Variants in IGF2BP3 observed in about 807,000 individuals in gnomAD.
IGF2BP3 encodes the protein insulin like growth factor 2 mRNA binding protein 3.
Under a neutral mutation model 73.8 loss-of-function variants are expected in IGF2BP3, and 9 were observed. The observed-to-expected ratio is 0.12, with a 90% CI of 0.07 to 0.21. The LOEUF (loss-of-function observed/expected upper bound fraction) is 0.21, where lower values mean the gene tolerates loss of function less well. IGF2BP3 is among the 10% of genes least tolerant of loss of function. The probability of loss-of-function intolerance (pLI) is 1.00; values close to 1 mark genes in which losing one functional copy is unlikely to be tolerated. For synonymous variants in IGF2BP3, 258 were observed against 256.7 expected, an observed-to-expected ratio of 1.01 and a Z score of -0.05; for missense variants, 542 against 714.0, an observed-to-expected ratio of 0.76 and a Z score of 2.75.
intron 2 of IGF2BP3, among the ~76,000 whole-genome samples, chr7:23,433,986 G>A (rs938886734): frequency 6.6e-6 from 1 of 151,050 alleles, no homozygotes; most frequent in Non-Finnish European, 1.5e-5. Flanking sequence ...GCTGGGGCAA[G>A]AGAATCGCTT....
At position 23,317,549 on chromosome 7, in the gene IGF2BP3, A is replaced by G. The variant is rs1784024383; in HGVS notation, c.1395+90T>C. Reference sequence around the variant, plus strand: ...TAAGAATTTCCATTGACTCTTTCTGAGATTTAGACATATTTAAGGGAGACG... The same window carrying G: ...TAAGAATTTCCATTGACTCTTTCTGGGATTTAGACATATTTAAGGGAGACG... On this transcript the variant is annotated intron_variant, in intron 12 of 14. Coordinates refer to ENST00000258729, the MANE Select transcript of IGF2BP3 (RefSeq NM_006547.3). 4.5e-6 allele frequency: 4 copies of G among 884,560 alleles called. No individual in the cohort carries two copies. The South Asian group carries it at 5.8e-5, about 13-fold the overall frequency. The allele number at this position is 884,560 out of a possible 1,614,324, so 54.8% of individuals were successfully genotyped here.
chr7:23,443,776 A>T (rs533034926), intron 2 of IGF2BP3, among the ~76,000 whole-genome samples: 2 of 151,912 alleles, frequency 1.3e-5, no homozygotes, highest in Non-Finnish European at 2.9e-5. Flanking sequence ...TTGGGAGGCC[A>T]AGGAGGGTGG....
intron 3 of IGF2BP3, among the ~76,000 whole-genome samples, chr7:23,386,096 C>T (rs1018804767): frequency 1.3e-5 from 2 of 152,008 alleles, no homozygotes; most frequent in Admixed American, 6.6e-5. Context: ...TGAGATTGGC[C>T]TTAAGCTGAT....
chr7:23,464,649 A>T lies in IGF2BP3; in HGVS notation c.236+3833T>A, dbSNP rs377569507. ...CAGTGAGCCGAGATCGTGCCACTGCACTCCAGCCTGGGCAACAGAGAGAGA... is the reference window on the plus strand; with the variant it reads ...CAGTGAGCCGAGATCGTGCCACTGCTCTCCAGCCTGGGCAACAGAGAGAGA... On this transcript the variant is annotated intron_variant, in intron 2 of 14. Coordinates refer to ENST00000258729, the MANE Select transcript of IGF2BP3 (RefSeq NM_006547.3). Among the ~76,000 whole-genome samples, 568 of 151,924 alleles carry T rather than the reference A, an allele frequency of 3.7e-3. 6 individuals carry two copies. Among genetic ancestry groups the T allele is most frequent in the South Asian group, 0.027 (131 of 4,816 alleles).
At chr7:23,468,245 G>T (rs914595846) in intron 2 of IGF2BP3, among the ~76,000 whole-genome samples, 1 of 152,204 alleles carries the variant, frequency 6.6e-6, no homozygotes, top group African/African-American at 2.4e-5. Context: ...GCTTTCGAGA[G>T]ATTTTGTAAC....
At chr7:23,417,817 C>T (rs1787235520) in intron 3 of IGF2BP3, among the ~76,000 whole-genome samples, 1 of 152,158 alleles carries the variant, frequency 6.6e-6, no homozygotes, top group South Asian at 2.1e-4. Context: ...CCCACCGTTT[C>T]CATCTATAAA....
chr7:23,336,922 T>C (rs950361720), intron 10 of IGF2BP3, among the ~76,000 whole-genome samples: 2 of 150,992 alleles, frequency 1.3e-5, no homozygotes, highest in African/African-American at 4.9e-5. Flanking sequence ...CACTCCACCC[T>C]GGGTGACAGG....
At chr7:23,443,244 G>A (rs1038989574) in intron 2 of IGF2BP3, among the ~76,000 whole-genome samples, 1 of 150,670 alleles carries the variant, frequency 6.6e-6, no homozygotes, top group African/African-American at 2.4e-5. Context: ...TCCTGCCTCA[G>A]CCTCCAGAGT....
At chr7:23,367,801 G>A (rs929174790) in intron 3 of IGF2BP3, among the ~76,000 whole-genome samples, 1 of 152,120 alleles carries the variant, frequency 6.6e-6, no homozygotes, top group African/African-American at 2.4e-5. Context: ...AGGAGTTTGA[G>A]ACCAGCCGGG....
chr7:23,449,561 T>TC (rs1788148138), intron 2 of IGF2BP3, among the ~76,000 whole-genome samples: 2 of 122,606 alleles, frequency 1.6e-5, no homozygotes, highest in African/African-American at 6.1e-5. Flanking sequence ...TTTCTTTTTT[T>TC]TTTTTTTTTT....
intron 3 of IGF2BP3, among the ~76,000 whole-genome samples, chr7:23,362,104 A>C (rs980477103): frequency 2.6e-5 from 4 of 152,200 alleles, no homozygotes; most frequent in African/African-American, 9.7e-5. Flanking sequence ...TCACTAGACA[A>C]GGAACCAAGT....
At chr7:23,410,026 A>G (rs1375618892) in intron 3 of IGF2BP3, among the ~76,000 whole-genome samples, 3 of 152,058 alleles carry the variant, frequency 2.0e-5, no homozygotes, top group African/African-American at 7.2e-5. Context: ...AAAATTAGCC[A>G]GGCATGTTGG....
intron 3 of IGF2BP3, among the ~76,000 whole-genome samples, chr7:23,366,557 GA>G (rs375905542): frequency 0.026 from 2,187 of 82,594 alleles, 40 homozygotes; most frequent in African/African-American, 0.07. Flanking sequence ...AAGTAAAAAA[GA>G]AAAAAAAAAA....
At chr7:23,326,923 G>C (rs1426430250) in intron 10 of IGF2BP3, among the ~76,000 whole-genome samples, 108 of 118,546 alleles carry the variant, frequency 9.1e-4, no homozygotes, top group African/African-American at 3.2e-3. Context: ...GTTGTGGGGT[G>C]GGGGGAGGGG....
Position 23,310,669 on chromosome 7 carries a change from A to G in IGF2BP3, c.*1693T>C, listed in dbSNP as rs1225608371. ...CTTTTTTGGTTAAAACTACAAAAGA[A>G]ACTTGTTTTCAGAGAACATTAAGGA... On this transcript the variant is annotated 3_prime_UTR_variant, in exon 15 of 15. Coordinates refer to ENST00000258729, the MANE Select transcript of IGF2BP3 (RefSeq NM_006547.3). The G allele has an allele frequency of 6.6e-6, 1 of 152,220 alleles. No individual in the cohort carries two copies. Among genetic ancestry groups the G allele is most frequent in the African/African-American group, 2.4e-5 (1 of 41,456 alleles). The allele number at this position is 152,220 out of a possible 1,614,324, so 9.4% of individuals were successfully genotyped here.
At chr7:23,460,578 C>T (rs533960216) in intron 2 of IGF2BP3, among the ~76,000 whole-genome samples, 77 of 151,882 alleles carry the variant, frequency 5.1e-4, no homozygotes, top group African/African-American at 1.8e-3. Flanking sequence ...ACAGACAAGC[C>T]TTGTCCATTG....
chr7:23,342,287 T>G, intron 9 of IGF2BP3, 98 bp from the exon 10 acceptor site: 1 of 1,319,264 alleles, frequency 7.6e-7, no homozygotes, highest in Non-Finnish European at 1.1e-6. Context: ...TCTTGTCTAA[T>G]AAAGAAATGA....
chr7:23,428,191 G>T (rs1354116948), intron 2 of IGF2BP3, among the ~76,000 whole-genome samples: 1 of 151,832 alleles, frequency 6.6e-6, no homozygotes, highest in Non-Finnish European at 1.5e-5. Context: ...AACAAAAAAA[G>T]CCAGAAGCAA....
At position 23,326,046 on chromosome 7, in the gene IGF2BP3, A is replaced by C. The variant is rs578201522; in HGVS notation, c.1204-6792T>G. Among the ~76,000 whole-genome samples the C allele has an allele frequency of 2.1e-4, 32 of 152,304 alleles. No homozygotes were observed. The East Asian group carries it at 4.2e-3, about 20-fold the overall frequency. ...CTAAAACACCAAAAGCAATGGCAAC[A>C]AAAGCCAAAATTGACAAATGGGATC... On this transcript the variant is annotated intron_variant, in intron 10 of 14. Transcript: ENST00000258729.
Sources: gnomAD v4.1 joint callset for allele counts (sites outside exome capture counted in the v4.1 genomes callset) on GRCh38, gnomAD v4.1.1 for gene constraint, MANE v1.5 for transcripts, NCBI Gene and HGNC (gene_info 2026-07-23, HGNC 2026-07-21) for gene names.